GRID2: variants seen among roughly 807,000 people sequenced by gnomAD.
The protein encoded by GRID2 is glutamate receptor ionotropic, delta-2.
GRID2 carries 33 observed loss-of-function variants against 114.8 expected under a neutral mutation model. That is an observed-to-expected ratio of 0.29 (90% confidence interval 0.22 to 0.38). The LOEUF (loss-of-function observed/expected upper bound fraction) is 0.38. GRID2 is among the 10% of genes least tolerant of loss of function. The probability of loss-of-function intolerance (pLI) is 1.00; values close to 1 mark genes in which losing one functional copy is unlikely to be tolerated. For missense variants in GRID2, 1,184 were observed against 1,257.7 expected (o/e 0.94, Z 0.89); for synonymous variants, 505 against 449.9 (o/e 1.12, Z -1.55).
chr4:92,661,129 C>T (rs1452597073), intron 2 of GRID2, among the ~76,000 whole-genome samples: 2 of 150,730 alleles, frequency 1.3e-5, no homozygotes, highest in Admixed American at 1.3e-4. Flanking sequence ...TTGCTAACAA[C>T]ACAAGCAGAA....
At chr4:92,715,523 C>A (rs537001989) in intron 2 of GRID2, among the ~76,000 whole-genome samples, 1 of 152,042 alleles carries the variant, frequency 6.6e-6, no homozygotes, top group Non-Finnish European at 1.5e-5. Flanking sequence ...TAAAGACATA[C>A]CCAAGACTGG....
intron 1 of GRID2, among the ~76,000 whole-genome samples, chr4:92,379,037 A>C (rs2089990): frequency 0.23 from 35,041 of 151,748 alleles, 5,405 homozygotes; most frequent in East Asian, 0.64. Context: ...GGACCCATTT[A>C]TATGACTATT....
chr4:93,285,038 G>A (rs1033928680), intron 8 of GRID2, among the ~76,000 whole-genome samples: 2 of 151,948 alleles, frequency 1.3e-5, no homozygotes, highest in African/African-American at 4.8e-5. Context: ...GGAAGCTTTT[G>A]GTCTCTCAAT....
At chr4:92,718,760 C>T (rs1735666914) in intron 2 of GRID2, among the ~76,000 whole-genome samples, 2 of 48,030 alleles carry the variant, frequency 4.2e-5, no homozygotes, top group African/African-American at 1.6e-4. Flanking sequence ...AAGACCCTGT[C>T]CAAAAAAAAA....
intron 2 of GRID2, among the ~76,000 whole-genome samples, chr4:92,840,972 T>C (rs1457256119): frequency 6.6e-6 from 1 of 152,046 alleles, no homozygotes; most frequent in Non-Finnish European, 1.5e-5. Context: ...CTATTCCAAA[T>C]GGAGAATGAA....
At chr4:92,787,078 A>G (rs906926961) in intron 2 of GRID2, among the ~76,000 whole-genome samples, 2 of 151,928 alleles carry the variant, frequency 1.3e-5, no homozygotes, top group Non-Finnish European at 2.9e-5. Context: ...GCTATTATCA[A>G]TACTGCATCT....
intron 14 of GRID2, among the ~76,000 whole-genome samples, chr4:93,758,568 A>C (rs1352056250): frequency 6.6e-6 from 1 of 152,206 alleles, no homozygotes; most frequent in Non-Finnish European, 1.5e-5. Flanking sequence ...TTGTCTCTTC[A>C]AAAAGTATCC....
intron 8 of GRID2, among the ~76,000 whole-genome samples, chr4:93,257,166 G>A (rs933454037): frequency 2.0e-5 from 3 of 151,732 alleles, no homozygotes; most frequent in Admixed American, 2.0e-4. Flanking sequence ...GTAGTGCCTA[G>A]CATTCTAATC....
chr4:93,764,563 C>G (rs1012457327), intron 14 of GRID2, among the ~76,000 whole-genome samples: 1 of 152,096 alleles, frequency 6.6e-6, no homozygotes, highest in Non-Finnish European at 1.5e-5. Flanking sequence ...GAGATCGTCA[C>G]GTGTGGTCTT....
chr4:93,659,036 G>A (rs1723256896), intron 14 of GRID2, among the ~76,000 whole-genome samples: 1 of 152,076 alleles, frequency 6.6e-6, no homozygotes, highest in South Asian at 2.1e-4. Context: ...AGCCAGCCCA[G>A]TAGCAGCAGC....
intron 1 of GRID2, among the ~76,000 whole-genome samples, chr4:92,339,423 T>C (rs1454796862): frequency 2.6e-5 from 4 of 152,120 alleles, no homozygotes; most frequent in Non-Finnish European, 4.4e-5. Flanking sequence ...AGGAAGAAAA[T>C]TCGTCATTGT....
chr4:93,076,610 C>CTT (rs56357327), intron 2 of GRID2, among the ~76,000 whole-genome samples: 38 of 96,970 alleles, frequency 3.9e-4, no homozygotes, highest in East Asian at 6.4e-4. Flanking sequence ...TCACCAACCT[C>CTT]TTTTTTTTTT....
Position 92,760,037 on chromosome 4 carries a change from C to T in GRID2, c.244+169751C>T, listed in dbSNP as rs533908797. On this transcript the variant is annotated intron_variant, in intron 2 of 15. Coordinates refer to ENST00000282020, the MANE Select transcript of GRID2 (RefSeq NM_001510.4). ...CGGGTGGATCACGAGGTCAGGAGTT[C>T]GAGACCAGCCTGTCCAATATGGTGA... Among the ~76,000 whole-genome samples, 19 of 150,890 alleles carry T rather than the reference C, an allele frequency of 1.3e-4. No homozygotes were observed. The East Asian group carries it at 3.0e-3, about 24-fold the overall frequency.
At chr4:93,159,758 A>C (rs1410943815) in intron 4 of GRID2, among the ~76,000 whole-genome samples, 2 of 149,368 alleles carry the variant, frequency 1.3e-5, no homozygotes, top group Non-Finnish European at 3.0e-5. Flanking sequence ...TAGCAAAGAC[A>C]TCATTTATTT....
At chr4:92,978,070 T>C (rs1294837201) in intron 2 of GRID2, among the ~76,000 whole-genome samples, 1 of 152,076 alleles carries the variant, frequency 6.6e-6, no homozygotes, top group Non-Finnish European at 1.5e-5. Context: ...TAAGAGAAGG[T>C]GATTCACGAC....
chr4:93,225,841 A>G (rs1468545891), intron 7 of GRID2, among the ~76,000 whole-genome samples: 1 of 152,160 alleles, frequency 6.6e-6, no homozygotes, highest in Non-Finnish European at 1.5e-5. Flanking sequence ...TTTTTGGCTT[A>G]TGATTCTCAA....
chr4:92,808,019 A>G (rs1560604189), intron 2 of GRID2, among the ~76,000 whole-genome samples: 1 of 152,032 alleles, frequency 6.6e-6, no homozygotes, highest in Non-Finnish European at 1.5e-5. Flanking sequence ...AGATTTTCCC[A>G]GATTATCTGG....
At chr4:92,524,963 A>G (rs1724973490) in intron 1 of GRID2, among the ~76,000 whole-genome samples, 2 of 152,056 alleles carry the variant, frequency 1.3e-5, no homozygotes, top group Admixed American at 6.6e-5. Flanking sequence ...GCATGGATTC[A>G]GGGTTCAAAC....
At chr4:93,004,193 G>A (rs944456832) in intron 2 of GRID2, among the ~76,000 whole-genome samples, 1 of 151,670 alleles carries the variant, frequency 6.6e-6, no homozygotes, top group Admixed American at 6.6e-5. Flanking sequence ...AGAAGCACCT[G>A]TATTCTTTCC....
Sources: allele counts gnomAD v4.1 joint callset (sites outside exome capture counted in the v4.1 genomes callset), GRCh38; gene constraint gnomAD v4.1.1; transcripts MANE v1.5; gene names NCBI Gene and HGNC (gene_info 2026-07-23, HGNC 2026-07-21).